Variants in PANK2 observed in about 807,000 individuals in gnomAD.
PANK2 encodes pantothenate kinase 2, also known as pantothenate kinase 2, mitochondrial.
PANK2 carries 36 observed loss-of-function variants against 43.1 expected under a neutral mutation model. The observed-to-expected ratio is 0.84, with a 90% confidence interval of 0.64 to 1.10. The LOEUF is 1.10. Ranked by LOEUF, PANK2 falls within the 50% of genes least tolerant of loss-of-function variation. The pLI, the probability that PANK2 is intolerant of heterozygous loss-of-function variation, is 0.00. For missense variants in PANK2, 576 were observed against 593.3 expected, an observed-to-expected ratio of 0.97 and a Z score of 0.30; for synonymous variants, 281 against 238.2, an observed-to-expected ratio of 1.18 and a Z score of -1.66.
In PANK2 at chr20:3,923,333, G is replaced by A. The variant is rs71647859; in HGVS notation, c.*39G>A. 9.4e-4 allele frequency: 1,496 copies of A among 1,598,738 alleles called. 10 individuals are homozygous for A. The African/African-American group carries it at 0.018, about 19-fold the overall frequency. ...AGGGGTTCCTGAAACCTTCCACAAT[G>A]GGATCTGTGGACTTTCATTTTTTTA... On this transcript the variant is annotated 3_prime_UTR_variant, in exon 7 of 7. Transcript: ENST00000610179.
intron 4 of PANK2, among the ~76,000 whole-genome samples, chr20:3,912,930 C>CAAAAAAAAA (rs71331078): frequency 1.4e-5 from 1 of 71,490 alleles, no homozygotes; most frequent in Non-Finnish European, 2.5e-5. Context: ...GACTCTGTCT[C>CAAAAAAAAA]AAAAAAAAAA....
chr20:3,898,353 CCAT>C (rs2146832753), intron 1 of PANK2, among the ~76,000 whole-genome samples: 1 of 152,148 alleles, frequency 6.6e-6, no homozygotes, highest in African/African-American at 2.4e-5. Context: ...GCGCCCACCA[CCAT>C]GCCTGACTAA....
At position 3,908,169 on chromosome 20, in the gene PANK2, A is replaced by C; in HGVS notation, c.542A>C (p.Asp181Ala). 1 of 1,614,198 alleles carries C rather than the reference A, an allele frequency of 6.2e-7. No homozygotes were observed. The highest frequency in any genetic ancestry group is 1.6e-4 in the Middle Eastern group (1 of 6,062). Residue 181 changes from aspartate to alanine, a missense_variant, in exon 2 of 7, where the codon GAC (aspartate) becomes GCC (alanine). Asp to Ala is a moderately radical substitution (Grantham distance 126). Transcript: ENST00000610179. The stretch of plus-strand genomic sequence containing the variant: ...CACTTTATACGCTTTCCCACTCATG[A>C]CATGCCTGCTTTTATTCAAATGGGC...
intron 6 of PANK2, 68 bp from the exon 7 acceptor site, chr20:3,923,173 GTCA>G: frequency 1.3e-6 from 2 of 1,550,886 alleles, no homozygotes; most frequent in South Asian, 2.2e-5. Context: ...TTTAACACTA[GTCA>G]TCATGTGTAA....
chr20:3,913,322 T>C (rs1201095609), intron 4 of PANK2, among the ~76,000 whole-genome samples: 14 of 152,328 alleles, frequency 9.2e-5, no homozygotes, highest in Non-Finnish European at 2.1e-4. Context: ...GAATCAGTAC[T>C]TTATTCCTTT....
chr20:3,924,007 G>A lies in PANK2; in HGVS notation c.*713G>A, dbSNP rs2090686276. The A allele has an allele frequency of 6.6e-6, 1 of 152,502 alleles. No individual in the cohort carries two copies. Among genetic ancestry groups the A allele is most frequent in the African/African-American group, 2.4e-5 (1 of 41,458 alleles). 9.4% of individuals were successfully genotyped at this position (152,502 alleles called of 1,614,324 possible). A position where few individuals can be genotyped will look rare whatever the true frequency, so the allele number is the denominator to read the frequency against. On this transcript the variant is annotated 3_prime_UTR_variant, in exon 7 of 7. Transcript: ENST00000610179. ...AGCACAATCTGGAGGACTAACATGA[G>A]TCAGCAGGGCCACTAGAATTGACAC...
At chr20:3,897,630 T>C (rs1200137695) in intron 1 of PANK2, among the ~76,000 whole-genome samples, 1 of 151,820 alleles carries the variant, frequency 6.6e-6, no homozygotes, top group African/African-American at 2.4e-5. Flanking sequence ...AGGTTGAGGC[T>C]GCAGTGAGCC....
At chr20:3,889,028 G>C, upstream of PANK2, 1 of 1,257,586 alleles carries the variant, frequency 8.0e-7, no homozygotes, top group Non-Finnish European at 1.1e-6. Flanking sequence ...TGGGACTCGG[G>C]GTCGCCCCAG....
intron 6 of PANK2, among the ~76,000 whole-genome samples, chr20:3,922,863 A>G (rs538587442): frequency 6.6e-6 from 1 of 152,144 alleles, no homozygotes; most frequent in East Asian, 1.9e-4. Flanking sequence ...CCTCGCCTTC[A>G]TTCCTTAGTT....
intron 4 of PANK2, among the ~76,000 whole-genome samples, chr20:3,913,826 T>C (rs1483171302): frequency 1.3e-5 from 2 of 149,748 alleles, no homozygotes; most frequent in East Asian, 3.9e-4. Flanking sequence ...TCTTGGTCTG[T>C]CGCCCAGGCT....
chr20:3,929,281 GT>G lies in PANK2; in HGVS notation c.*5988del, dbSNP rs1280642712. ...TAGCCAGGTGTGCTGGTGTGCACCT[GT>G]AGACGCAGCTACAGACTGAGGCGGG... On this transcript the variant is annotated 3_prime_UTR_variant, in exon 7 of 7. Transcript: ENST00000610179. The G allele has an allele frequency of 1.3e-5, 2 of 152,294 alleles. No homozygotes were observed. The highest frequency in any genetic ancestry group is 2.9e-5 in the Non-Finnish European group (2 of 68,114). The allele number at this position is 152,294 out of a possible 1,614,324, so 9.4% of individuals were successfully genotyped here.
intron 1 of PANK2, among the ~76,000 whole-genome samples, chr20:3,899,793 C>G (rs1395663950): frequency 6.6e-6 from 1 of 150,686 alleles, no homozygotes; most frequent in Non-Finnish European, 1.5e-5. Context: ...CTGCAAGCTC[C>G]GCCTCCCGGC....
chr20:3,917,165 T>G, intron 5 of PANK2, 115 bp downstream of exon 5: 1 of 1,391,118 alleles, frequency 7.2e-7, no homozygotes. Flanking sequence ...GGGTGGGGTT[T>G]GTTTTAGCAC....
At chr20:3,906,923 G>A (rs370179590) in intron 1 of PANK2, among the ~76,000 whole-genome samples, 6 of 151,496 alleles carry the variant, frequency 4.0e-5, no homozygotes, top group Admixed American at 6.6e-5. Flanking sequence ...CTCAGCCTCC[G>A]GAGTAGCTGG....
At chr20:3,922,212 T>TA (rs2090657618) in intron 6 of PANK2, among the ~76,000 whole-genome samples, 1 of 152,248 alleles carries the variant, frequency 6.6e-6, no homozygotes, top group African/African-American at 2.4e-5. Flanking sequence ...AGTAGTCTGA[T>TA]ATCTTACCTT....
chr20:3,889,407 G>A lies in PANK2; in HGVS notation c.-24G>A. 6.4e-7 allele frequency: 1 copy of A among 1,571,864 alleles called. No homozygotes were observed. Among genetic ancestry groups the A allele is most frequent in the South Asian group, 1.2e-5 (1 of 86,668 alleles). ...CCTCTGCTCTGGCTGGACTGCCGCG[G>A]AGGAGGCGAGAAGGAATCCGACGCT... On this transcript the variant is annotated 5_prime_UTR_variant, in exon 1 of 7. Coordinates refer to ENST00000610179, the MANE Select transcript of PANK2 (RefSeq NM_001386393.1).
rs905967358 is a variant in PANK2, at chr20:3,924,787, A to G, written c.*1493A>G. On this transcript the variant is annotated 3_prime_UTR_variant, in exon 7 of 7. Coordinates refer to ENST00000610179, the MANE Select transcript of PANK2 (RefSeq NM_001386393.1). ...CCTCACCCTCCTCCAGTACCCAGGC[A>G]CCAAAGATGGCACCACCATCCTCCT... 1 of 152,842 alleles carries G rather than the reference A, an allele frequency of 6.5e-6. No individual in the cohort carries two copies. The highest frequency in any genetic ancestry group is 2.4e-5 in the African/African-American group (1 of 41,428). The allele number at this position is 152,842 out of a possible 1,614,324, so 9.5% of individuals were successfully genotyped here.
chr20:3,909,590 T>TC (rs1341949753), intron 2 of PANK2, among the ~76,000 whole-genome samples: 2 of 152,070 alleles, frequency 1.3e-5, no homozygotes, highest in Non-Finnish European at 2.9e-5. Context: ...AAGATCCTCT[T>TC]CATTTTTGTT....
At chr20:3,888,937 A>G (rs2090058434), upstream of PANK2, 5 of 593,910 alleles carry the variant, frequency 8.4e-6, no homozygotes, top group Non-Finnish European at 1.4e-5. Context: ...TCGTCTGCCG[A>G]CGACCAGCGG....
Sources: gnomAD v4.1 joint callset for allele counts (sites outside exome capture counted in the v4.1 genomes callset) on GRCh38, gnomAD v4.1.1 for gene constraint, MANE v1.5 for transcripts, NCBI Gene and HGNC (gene_info 2026-07-23, HGNC 2026-07-21) for gene names.